Variants in PDGFRL observed in about 807,000 individuals in gnomAD.
The protein encoded by PDGFRL is platelet-derived growth factor receptor-like protein.
Under a neutral mutation model 37.2 loss-of-function variants are expected in PDGFRL, and 46 were observed. That is an observed-to-expected ratio of 1.24 (90% CI 0.98 to 1.58). The LOEUF is 1.58. Ranked by LOEUF, PDGFRL falls within the 40% of genes most tolerant of loss-of-function variation. PDGFRL has a pLI of 0.00. For synonymous variants in PDGFRL, 251 were observed against 184.3 expected (o/e 1.36, Z -2.93); for missense variants, 692 against 467.6 (o/e 1.48, Z -4.43).
intron 3 of PDGFRL, among the ~76,000 whole-genome samples, chr8:17,626,414 C>T (rs534344786): frequency 6.6e-6 from 1 of 152,136 alleles, no homozygotes; most frequent in South Asian, 2.1e-4. Context: ...ATACTCTTCC[C>T]TCGTCTTAGA....
At chr8:17,641,896 T>TCCCCCCC (rs144394170) in intron 5 of PDGFRL, among the ~76,000 whole-genome samples, 5 of 103,954 alleles carry the variant, frequency 4.8e-5, no homozygotes, top group Non-Finnish European at 9.1e-5. Context: ...TCAATAGAGG[T>TCCCCCCC]CCCCGCCACA....
At chr8:17,592,834 G>A (rs1377183217) in intron 2 of PDGFRL, among the ~76,000 whole-genome samples, 3 of 152,096 alleles carry the variant, frequency 2.0e-5, no homozygotes, top group Non-Finnish European at 2.9e-5. Context: ...ACTTAGCTGA[G>A]TGGTTGGCGG....
chr8:17,609,634 TAAAAAAAAAAAA>T (rs3040922), intron 2 of PDGFRL, among the ~76,000 whole-genome samples: 6 of 43,502 alleles, frequency 1.4e-4, no homozygotes, highest in South Asian at 1.2e-3. Flanking sequence ...TGAGACTCTG[TAAAAAAAAAAAA>T]AAAAAAAAAA....
chr8:17,596,691 G>A (rs1042528547), intron 2 of PDGFRL, among the ~76,000 whole-genome samples: 3 of 152,172 alleles, frequency 2.0e-5, no homozygotes, highest in Admixed American at 6.5e-5. Context: ...GTGTTCATTC[G>A]AAGCACAGCA....
intron 5 of PDGFRL, among the ~76,000 whole-genome samples, chr8:17,638,740 T>TAC (rs1805026238): frequency 8.7e-5 from 1 of 11,478 alleles, no homozygotes; most frequent in African/African-American, 4.8e-4. Context: ...ATTAGGTGCA[T>TAC]ATATATATAT....
intron 2 of PDGFRL, among the ~76,000 whole-genome samples, chr8:17,606,886 G>GTTTTTTTTTTTTTTTTTT (rs371085758): frequency 7.2e-6 from 1 of 138,262 alleles, no homozygotes; most frequent in African/African-American, 2.8e-5. Flanking sequence ...TTCGTTTTTT[G>GTTTTTTTTTTTTTTTTTT]TTTTTTTGTT....
At position 17,591,133 on chromosome 8, in the gene PDGFRL, C is replaced by T. The variant is rs568402865; in HGVS notation, c.353+1368C>T. Among the ~76,000 whole-genome samples, 375 of 152,180 alleles carry T rather than the reference C, an allele frequency of 2.5e-3. 1 individual carries two copies. The highest frequency in any genetic ancestry group is 5.2e-3 in the South Asian group (25 of 4,818). On this transcript the variant is annotated intron_variant, in intron 2 of 5. Transcript: ENST00000251630. ...TCCTGACCTCATGATCCGCCTGCCT[C>T]GGCCTCCCAAAGTGCTGGGATTACA...
intron 5 of PDGFRL, among the ~76,000 whole-genome samples, chr8:17,639,802 C>G (rs940804620): frequency 1.3e-5 from 2 of 152,146 alleles, no homozygotes; most frequent in Non-Finnish European, 2.9e-5. Flanking sequence ...CTTTGAGCTT[C>G]TTGTATTCAG....
intron 1 of PDGFRL, among the ~76,000 whole-genome samples, chr8:17,580,205 C>A (rs958618000): frequency 2.1e-4 from 32 of 152,138 alleles, no homozygotes; most frequent in Admixed American, 6.5e-4. Context: ...GGACTACAGA[C>A]ATTCATTATT....
At chr8:17,623,563 G>C (rs575324426) in intron 3 of PDGFRL, among the ~76,000 whole-genome samples, 1 of 152,092 alleles carries the variant, frequency 6.6e-6, no homozygotes, top group Non-Finnish European at 1.5e-5. Flanking sequence ...CTTAGCTTGG[G>C]CAGAATATCC....
At chr8:17,637,766 G>C (rs1360447137) in intron 5 of PDGFRL, among the ~76,000 whole-genome samples, 1 of 152,118 alleles carries the variant, frequency 6.6e-6, no homozygotes, top group Non-Finnish European at 1.5e-5. Flanking sequence ...GGTCTGTTCA[G>C]AGTTTCTCTT....
chr8:17,634,460 A>G (rs140724710), intron 5 of PDGFRL, among the ~76,000 whole-genome samples: 6 of 151,982 alleles, frequency 3.9e-5, no homozygotes, highest in Non-Finnish European at 5.9e-5. Flanking sequence ...AGTTTGCTCA[A>G]TGTACCCTCT....
chr8:17,609,503 T>C (rs1320296669), intron 2 of PDGFRL, among the ~76,000 whole-genome samples: 4 of 150,004 alleles, frequency 2.7e-5, no homozygotes, highest in Admixed American at 1.3e-4. Context: ...CTGGGTGTGG[T>C]GGCGTGCACC....
intron 2 of PDGFRL, among the ~76,000 whole-genome samples, chr8:17,594,767 T>A (rs1258714394): frequency 6.6e-6 from 1 of 152,038 alleles, no homozygotes; most frequent in African/African-American, 2.4e-5. Flanking sequence ...GGTCTCGATC[T>A]CCTGACCTCA....
Position 17,642,723 on chromosome 8 carries a change from T to C in PDGFRL, c.1050T>C (p.Ile350=), listed in dbSNP as rs745750879. Residue 350 remains isoleucine (I), a synonymous_variant, in exon 6 of 6, where the codon ATT becomes ATC. Transcript: ENST00000251630. The part of the protein sequence containing the change: ...SVITVEDFET[I]DAGYYICTAQ... ...TTACAGTGGAAGACTTTGAGACGAT[T>C]GATGCAGGATATTACATTTGCACTG... 6.2e-7 allele frequency: 1 copy of C among 1,606,992 alleles called. No individual in the cohort carries two copies. The highest frequency in any genetic ancestry group is 8.5e-7 in the Non-Finnish European group (1 of 1,173,406).
intron 2 of PDGFRL, among the ~76,000 whole-genome samples, chr8:17,614,125 A>C (rs1804476572): frequency 6.6e-6 from 1 of 152,228 alleles, no homozygotes; most frequent in African/African-American, 2.4e-5. Flanking sequence ...TGATAGGCTG[A>C]TAAATGATAG....
At chr8:17,617,841 A>G (rs1226565012) in intron 2 of PDGFRL, among the ~76,000 whole-genome samples, 1 of 152,126 alleles carries the variant, frequency 6.6e-6, no homozygotes, top group African/African-American at 2.4e-5. Context: ...CTATCACTAC[A>G]GTGCTAGCAA....
rs112312999 is a variant in PDGFRL, at chr8:17,602,722, T to C, written c.353+12957T>C. ...GAAGAGCGTAACTGCAGGATGCTCT[T>C]GGAGTTCTGGTCTACTCTGCGATGC... is the stretch of plus-strand genomic sequence containing the variant. On this transcript the variant is annotated intron_variant, in intron 2 of 5. Transcript: ENST00000251630. Among the ~76,000 whole-genome samples, 227 of 152,032 alleles carry C rather than the reference T, an allele frequency of 1.5e-3. 1 individual carries two copies. Among genetic ancestry groups the C allele is most frequent in the African/African-American group, 5.0e-3 (206 of 41,472 alleles).
chr8:17,606,738 T>C lies in PDGFRL; in HGVS notation c.354-14313T>C, dbSNP rs1255388877. ...GCAGGTAATAATAGAACGAGGCTCA[T>C]TGTGCTGTTCTCAGGATAGAATGAG... is the stretch of plus-strand genomic sequence containing the variant. On this transcript the variant is annotated intron_variant, in intron 2 of 5. Coordinates refer to ENST00000251630, the MANE Select transcript of PDGFRL (RefSeq NM_001372073.1). Among the ~76,000 whole-genome samples the C allele has an allele frequency of 2.6e-5, 4 of 152,080 alleles. No homozygotes were observed. The South Asian group carries it at 6.2e-4, about 24-fold the overall frequency.
Sources: gnomAD v4.1 joint callset for allele counts (sites outside exome capture counted in the v4.1 genomes callset) on GRCh38, gnomAD v4.1.1 for gene constraint, MANE v1.5 for transcripts, NCBI Gene and HGNC (gene_info 2026-07-23, HGNC 2026-07-21) for gene names.